Variants in ZNG1A observed in about 807,000 individuals in gnomAD.
The protein encoded by ZNG1A is Zn regulated GTPase metalloprotein activator 1A.
the ZNG1A span, among the ~76,000 whole-genome samples, chr9:163,771 G>C: frequency 8.4e-4 from 127 of 151,644 alleles, no homozygotes; most frequent in African/African-American, 2.9e-3. Context: ...CCAAAAATTA[G>C]CCAGGTACGA....
At chr9:166,166 C>A in the ZNG1A span, 2 of 109,768 alleles carry the variant, frequency 1.8e-5, no homozygotes. Context: ...CGAATGATGT[C>A]CCCATACAAG....
At chr9:145,348 C>T in the ZNG1A span, among the ~76,000 whole-genome samples, 1 of 150,194 alleles carries the variant, frequency 6.7e-6, no homozygotes. Context: ...CACATATACA[C>T]CATGGAATAC....
chr9:155,307 C>T, the ZNG1A span, among the ~76,000 whole-genome samples: 1 of 150,168 alleles, frequency 6.7e-6, no homozygotes, highest in Non-Finnish European at 1.5e-5. Context: ...TACTTCAGAG[C>T]TGGGCATGGT....
At chr9:159,647 G>T in the ZNG1A span, among the ~76,000 whole-genome samples, 1 of 150,788 alleles carries the variant, frequency 6.6e-6, no homozygotes, top group Non-Finnish European at 1.5e-5. Context: ...AGGGCTATAG[G>T]GTGTCCTTTT....
At chr9:140,132 C>G in the ZNG1A span, among the ~76,000 whole-genome samples, 4 of 150,834 alleles carry the variant, frequency 2.7e-5, no homozygotes, top group Admixed American at 2.6e-4. Context: ...ACAAAGCAGC[C>G]GGGAAGCTCG....
chr9:137,486 T>TA, the ZNG1A span, among the ~76,000 whole-genome samples: 1 of 151,908 alleles, frequency 6.6e-6, no homozygotes, highest in Non-Finnish European at 1.5e-5. Context: ...AGCATCAAAT[T>TA]AAAAATACAG....
the ZNG1A span, chr9:163,936 A>T: frequency 6.4e-7 from 1 of 1,567,444 alleles, no homozygotes; most frequent in Non-Finnish European, 8.6e-7. Flanking sequence ...AGAAAAAAAA[A>T]AAAAAACAAG....
At chr9:177,623 G>T in the ZNG1A span, 16 of 1,509,538 alleles carry the variant, frequency 1.1e-5, no homozygotes, top group African/African-American at 2.2e-4. Context: ...AATGGTCAGG[G>T]ATAGGAGTGA....
At chr9:177,596 G>C in the ZNG1A span, 2 of 1,521,056 alleles carry the variant, frequency 1.3e-6, no homozygotes, top group African/African-American at 1.4e-5. Flanking sequence ...CAAAAGAACA[G>C]CGTTTCAAAA....
At chr9:139,702 C>A in the ZNG1A span, among the ~76,000 whole-genome samples, 1 of 151,696 alleles carries the variant, frequency 6.6e-6, no homozygotes, top group African/African-American at 2.4e-5. Flanking sequence ...CAGCTCCCAG[C>A]GTGAGAGACG....
the ZNG1A span, among the ~76,000 whole-genome samples, chr9:127,297 A>G: frequency 5.3e-5 from 8 of 151,882 alleles, no homozygotes; most frequent in African/African-American, 1.9e-4. Context: ...CCTCACTATT[A>G]TTGTGTTGCT....
chr9:177,456 G>C, the ZNG1A span, among the ~76,000 whole-genome samples: 4 of 151,432 alleles, frequency 2.6e-5, no homozygotes, highest in Admixed American at 2.0e-4. Flanking sequence ...TAAGTTTTAA[G>C]TTGTAGGACA....
At chr9:172,115 G>A in the ZNG1A span, 7 of 1,611,152 alleles carry the variant, frequency 4.3e-6, no homozygotes, top group Non-Finnish European at 5.9e-6. Context: ...CTAACAGTAT[G>A]TAATCAAATT....
the ZNG1A span, among the ~76,000 whole-genome samples, chr9:162,781 A>G: frequency 6.6e-6 from 1 of 150,776 alleles, no homozygotes; most frequent in Non-Finnish European, 1.5e-5. Flanking sequence ...AATCCAAAAT[A>G]TAAGTCAAAT....
At chr9:124,778 C>G in the ZNG1A span, among the ~76,000 whole-genome samples, 1 of 133,958 alleles carries the variant, frequency 7.5e-6, no homozygotes, top group African/African-American at 2.9e-5. Flanking sequence ...TAGCTTAGCT[C>G]CCACTTATGA....
the ZNG1A span, among the ~76,000 whole-genome samples, chr9:162,680 T>C: frequency 2.7e-5 from 4 of 150,348 alleles, no homozygotes; most frequent in Non-Finnish European, 5.9e-5. Flanking sequence ...GCTAGCACTA[T>C]TTTAAGGCAC....
the ZNG1A span, among the ~76,000 whole-genome samples, chr9:178,080 T>C: frequency 1.3e-5 from 2 of 150,796 alleles, no homozygotes. Context: ...TTCTAGCCCT[T>C]CTATTTAACT....
the ZNG1A span, among the ~76,000 whole-genome samples, chr9:139,142 G>A: frequency 6.1e-5 from 9 of 148,626 alleles, no homozygotes; most frequent in Non-Finnish European, 1.3e-4. Context: ...CAGAAAAAGG[G>A]ATAAAGTAAA....
At chr9:150,425 C>G in the ZNG1A span, 1 of 979,170 alleles carries the variant, frequency 1.0e-6, no homozygotes, top group Non-Finnish European at 1.2e-6. Flanking sequence ...CGCGCCCAGC[C>G]CAAATCTCCA....
Sources: gnomAD v4.1 joint callset for allele counts (sites outside exome capture counted in the v4.1 genomes callset) on GRCh38, gnomAD v4.1.1 for gene constraint, MANE v1.5 for transcripts, NCBI Gene and HGNC (gene_info 2026-07-23, HGNC 2026-07-21) for gene names.